Variants in THSD4 observed in about 807,000 individuals in gnomAD.
The protein encoded by THSD4 is thrombospondin type 1 domain containing 4.
A neutral mutation model predicts 119.0 loss-of-function variants in THSD4; 69 were observed. That is an observed-to-expected ratio of 0.58 (90% CI 0.48 to 0.71). The LOEUF (loss-of-function observed/expected upper bound fraction) is 0.71, where lower values mean the gene tolerates loss of function less well. Among genes scored for constraint, THSD4 ranks in the 30% least tolerant of loss-of-function variants. The pLI is 0.00. For missense variants in THSD4, 1,393 were observed against 1,391.1 expected, an observed-to-expected ratio of 1.00 and a Z score of -0.02; for synonymous variants, 524 against 540.4, an observed-to-expected ratio of 0.97 and a Z score of 0.42.
At chr15:71,180,107 C>T (rs1336285472) in intron 3 of THSD4, among the ~76,000 whole-genome samples, 1 of 123,508 alleles carries the variant, frequency 8.1e-6, no homozygotes, top group African/African-American at 3.3e-5. Flanking sequence ...CTAACCTGCA[C>T]AATGTGCACA....
At chr15:71,153,429 C>T (rs1188570726) in intron 2 of THSD4, among the ~76,000 whole-genome samples, 1 of 152,202 alleles carries the variant, frequency 6.6e-6, no homozygotes, top group East Asian at 1.9e-4. Context: ...AGCTCTGGAT[C>T]CTCAGCTGCA....
At chr15:71,191,734 A>AT (rs1174622396) in intron 3 of THSD4, among the ~76,000 whole-genome samples, 1 of 151,836 alleles carries the variant, frequency 6.6e-6, no homozygotes, top group African/African-American at 2.4e-5. Flanking sequence ...TTGCAATCTC[A>AT]TCTCCTTTTA....
At chr15:71,772,965 T>G (rs1181069289) in intron 17 of THSD4, among the ~76,000 whole-genome samples, 1 of 151,922 alleles carries the variant, frequency 6.6e-6, no homozygotes, top group African/African-American at 2.4e-5. Flanking sequence ...TTCCAGCACT[T>G]TGGGAGGCCA....
intron 6 of THSD4, among the ~76,000 whole-genome samples, chr15:71,358,436 C>A (rs890769442): frequency 6.6e-6 from 1 of 152,210 alleles, no homozygotes; most frequent in Non-Finnish European, 1.5e-5. Flanking sequence ...TAGATAGGGT[C>A]TCCATTTAGA....
At chr15:71,495,813 C>T (rs1197527294) in intron 7 of THSD4, among the ~76,000 whole-genome samples, 4 of 152,150 alleles carry the variant, frequency 2.6e-5, no homozygotes, top group Non-Finnish European at 4.4e-5. Context: ...AGCACCCTGT[C>T]CTTTTGTTTT....
chr15:71,232,540 C>T (rs554476338), intron 4 of THSD4, among the ~76,000 whole-genome samples: 3 of 151,420 alleles, frequency 2.0e-5, no homozygotes, highest in South Asian at 2.1e-4. Context: ...AGCACATGGG[C>T]GCTGGTGTTT....
intron 7 of THSD4, among the ~76,000 whole-genome samples, chr15:71,564,806 GTATAT>G (rs1567039367): frequency 7.5e-6 from 1 of 133,198 alleles, no homozygotes; most frequent in Non-Finnish European, 1.6e-5. Flanking sequence ...AATATATATT[GTATAT>G]TATAACATAT....
intron 8 of THSD4, among the ~76,000 whole-genome samples, chr15:71,686,297 G>T (rs1358383294): frequency 6.6e-6 from 1 of 152,136 alleles, no homozygotes; most frequent in Non-Finnish European, 1.5e-5. Context: ...TGCTTAACTG[G>T]TTGCATTTGT....
At chr15:71,251,448 G>T (rs1310718350) in intron 5 of THSD4, among the ~76,000 whole-genome samples, 1 of 152,174 alleles carries the variant, frequency 6.6e-6, no homozygotes, top group Non-Finnish European at 1.5e-5. Flanking sequence ...TACAGGGCTT[G>T]TTATTCAATT....
chr15:71,645,646 C>G lies in THSD4; in HGVS notation c.1153-14884C>G, dbSNP rs999576505. ...GCCACCAGAAGAAATAGGAGCTGTC[C>G]AAAATAATTTAAAGTCCCAGGCCCT... On this transcript the variant is annotated intron_variant, in intron 7 of 17. Coordinates refer to ENST00000261862, the MANE Select transcript of THSD4 (RefSeq NM_024817.3). 8.5e-5 allele frequency among the ~76,000 whole-genome samples: 13 copies of G among 152,210 alleles called. No individual in the cohort carries two copies. The South Asian group carries it at 1.7e-3, about 19-fold the overall frequency.
At chr15:71,174,125 C>T (rs567358974) in intron 3 of THSD4, among the ~76,000 whole-genome samples, 8 of 152,298 alleles carry the variant, frequency 5.3e-5, no homozygotes, top group Admixed American at 5.2e-4. Context: ...TAAAAAGACA[C>T]TATCGAGCAG....
intron 4 of THSD4, among the ~76,000 whole-genome samples, chr15:71,237,884 T>A (rs1437317324): frequency 1.3e-5 from 2 of 152,196 alleles, no homozygotes; most frequent in East Asian, 3.8e-4. Context: ...CAGCCCTGGA[T>A]GGCAGCCAGC....
At chr15:71,233,731 T>C (rs2044079810) in intron 4 of THSD4, among the ~76,000 whole-genome samples, 1 of 152,206 alleles carries the variant, frequency 6.6e-6, no homozygotes. Context: ...ACCACTCAGG[T>C]ATGCAGAACA....
intron 7 of THSD4, among the ~76,000 whole-genome samples, chr15:71,485,370 C>A (rs1442146190): frequency 2.0e-5 from 3 of 152,200 alleles, no homozygotes; most frequent in Non-Finnish European, 4.4e-5. Flanking sequence ...ACTAGAAACC[C>A]CCTAAAGAAT....
In THSD4 at chr15:71,547,283, C is replaced by T. The variant is rs529818741; in HGVS notation, c.1153-113247C>T. 5.3e-5 allele frequency: 79 copies of T among 1,480,394 alleles called. No individual in the cohort carries two copies. The African/African-American group carries it at 9.7e-4, about 18-fold the overall frequency. 91.7% of individuals were successfully genotyped at this position (1,480,394 alleles called of 1,614,324 possible). On this transcript the variant is annotated intron_variant, in intron 7 of 17. Coordinates refer to ENST00000261862, the MANE Select transcript of THSD4 (RefSeq NM_024817.3). ...CGCCGGGCAGTACAGTGAGGGAGAG[C>T]CGAGGGAACCAGCGCGGTGCCTAGC...
intron 6 of THSD4, among the ~76,000 whole-genome samples, chr15:71,322,925 A>C (rs138317181): frequency 3.1e-4 from 47 of 152,020 alleles, no homozygotes; most frequent in African/African-American, 9.9e-4. Flanking sequence ...GGCAAAACTC[A>C]GTCTCAACTA....
intron 6 of THSD4, among the ~76,000 whole-genome samples, chr15:71,382,214 C>T (rs568799850): frequency 4.6e-5 from 7 of 152,222 alleles, no homozygotes; most frequent in African/African-American, 1.4e-4. Context: ...ACATGAAGGA[C>T]AGGAAAGTGT....
chr15:71,430,008 C>A (rs2046920889), intron 7 of THSD4, among the ~76,000 whole-genome samples: 1 of 151,922 alleles, frequency 6.6e-6, no homozygotes, highest in South Asian at 2.1e-4. Context: ...GTCATGGGGG[C>A]AGTCAGCTGA....
At chr15:71,465,921 C>T (rs2047493033) in intron 7 of THSD4, among the ~76,000 whole-genome samples, 1 of 152,064 alleles carries the variant, frequency 6.6e-6, no homozygotes, top group South Asian at 2.1e-4. Context: ...GAGTGAAAGG[C>T]CTGGGAAGAA....
Sources: gnomAD v4.1 joint callset for allele counts (sites outside exome capture counted in the v4.1 genomes callset) on GRCh38, gnomAD v4.1.1 for gene constraint, MANE v1.5 for transcripts, NCBI Gene and HGNC (gene_info 2026-07-23, HGNC 2026-07-21) for gene names.